The following XPO4 variants were observed in gnomAD, a reference collection of about 807,000 sequenced individuals.
The protein encoded by XPO4 is exportin-4.
Under a neutral mutation model 143.0 loss-of-function variants are expected in XPO4, and 39 were observed. That is an observed-to-expected ratio of 0.27 (90% CI 0.21 to 0.36). The LOEUF (loss-of-function observed/expected upper bound fraction) is 0.36, where lower values mean the gene tolerates loss of function less well. XPO4 is among the 10% of genes least tolerant of loss of function. XPO4 has a pLI of 1.00. For missense variants in XPO4, 907 were observed against 1,348.0 expected, an observed-to-expected ratio of 0.67 and a Z score of 5.12; for synonymous variants, 439 against 474.0, an observed-to-expected ratio of 0.93 and a Z score of 0.96.
chr13:20,892,244 G>C (rs1363667823), intron 1 of XPO4, among the ~76,000 whole-genome samples: 2 of 151,968 alleles, frequency 1.3e-5, no homozygotes, highest in African/African-American at 4.8e-5. Flanking sequence ...GCACCACCAT[G>C]CCTGGCTAAT....
intron 3 of XPO4, among the ~76,000 whole-genome samples, chr13:20,856,578 C>T (rs1443186813): frequency 2.6e-4 from 39 of 152,218 alleles, no homozygotes; most frequent in Non-Finnish European, 5.9e-5. Context: ...CTTAACATGG[C>T]TTATAAGCAG....
intron 1 of XPO4, among the ~76,000 whole-genome samples, chr13:20,873,651 G>C (rs1416648969): frequency 6.6e-5 from 10 of 151,996 alleles, no homozygotes; most frequent in Admixed American, 2.0e-4. Flanking sequence ...TTCTTTTTTT[G>C]AGACAGAGTC....
chr13:20,880,720 G>C (rs1458551960), intron 1 of XPO4, among the ~76,000 whole-genome samples: 1 of 152,108 alleles, frequency 6.6e-6, no homozygotes, highest in Non-Finnish European at 1.5e-5. Flanking sequence ...ACTTTGGGAG[G>C]CTGAGGTGGG....
In XPO4 at chr13:20,803,303, A is replaced by G. The variant is rs2059460195; in HGVS notation, c.1818-2313T>C. On this transcript the variant is annotated intron_variant, in intron 13 of 22. Coordinates refer to ENST00000255305, the MANE Select transcript of XPO4 (RefSeq NM_022459.5). The surrounding 1 kb of genome is among the most constrained non-coding windows in gnomAD (Gnocchi z 4.1). ...GACTCAGTCACTTAGTCAGTGCCAC[A>G]CTGTTTGCAACTGTCCCTCTCCTCT... Among the ~76,000 whole-genome samples, 1 of 152,182 alleles carries G rather than the reference A, an allele frequency of 6.6e-6. No individual in the cohort carries two copies.
chr13:20,783,932 T>G lies in XPO4; in HGVS notation c.3259-13A>C, dbSNP rs375299769. On this transcript the variant is annotated splice_polypyrimidine_tract_variant and intron_variant, in intron 22 of 22. Transcript: ENST00000255305. ...CAGAATATTCAGCCTATTGAAGAGATAAAGTATACACAAGTATCCTCCTTA... is the reference window on the plus strand; with the variant it reads ...CAGAATATTCAGCCTATTGAAGAGAGAAAGTATACACAAGTATCCTCCTTA... The G allele has an allele frequency of 6.2e-7, 1 of 1,612,560 alleles. No homozygotes were observed. Among genetic ancestry groups the G allele is most frequent in the Non-Finnish European group, 8.5e-7 (1 of 1,178,594 alleles).
At chr13:20,793,302 GT>G (rs1193688635) in intron 18 of XPO4, among the ~76,000 whole-genome samples, 8 of 151,980 alleles carry the variant, frequency 5.3e-5, no homozygotes, top group Admixed American at 6.6e-5. Flanking sequence ...CTACATACTC[GT>G]TTTATTCTTT....
In XPO4 at chr13:20,783,892, A is replaced by G; in HGVS notation, c.3286T>C (p.Leu1096=). The part of the protein sequence containing the change: ...QAEYSELVET[L]LSSQQDPVIY... ...ACTGGGTCTTGCTGACTTGATAGTA[A>G]TGTTTCGACCAGTTCAGAATATTCA... Residue 1096 remains leucine, a synonymous_variant, in exon 23 of 23, where the codon TTA becomes CTA. Transcript: ENST00000255305. 6.2e-7 allele frequency: 1 copy of G among 1,614,190 alleles called. No homozygotes were observed. The highest frequency in any genetic ancestry group is 8.5e-7 in the Non-Finnish European group (1 of 1,180,032).
chr13:20,812,159 T>C (rs941715019), intron 9 of XPO4, among the ~76,000 whole-genome samples: 1 of 151,944 alleles, frequency 6.6e-6, no homozygotes, highest in Admixed American at 6.6e-5. Flanking sequence ...TCACCTGAGG[T>C]CAGGGGTTCA....
chr13:20,853,160 A>C, intron 4 of XPO4: 37 of 466,874 alleles, frequency 7.9e-5, no homozygotes, highest in Non-Finnish European at 9.8e-5. Context: ...GTGAAACCTC[A>C]TCGCTACAAA....
rs114416243 is a variant in XPO4 at position 20,833,006 on chromosome 13, C to A, written c.728-5827G>T. On this transcript the variant is annotated intron_variant, in intron 6 of 22. Transcript: ENST00000255305. Reference sequence around the variant, plus strand: ...GTAACCAAACTAAAAAAAGAAGTATCACTGAAGCCAACATACCACACATAC... The same window carrying A: ...GTAACCAAACTAAAAAAAGAAGTATAACTGAAGCCAACATACCACACATAC... Among the ~76,000 whole-genome samples, 1,164 of 152,130 alleles carry A rather than the reference C, an allele frequency of 7.7e-3. 15 individuals are homozygous for A. The highest frequency in any genetic ancestry group is 0.026 in the African/African-American group (1,064 of 41,504).
chr13:20,868,843 TTATAG>T (rs1335786302), intron 1 of XPO4, 142 bp from the exon 2 acceptor site: 2 of 702,098 alleles, frequency 2.8e-6, no homozygotes, highest in East Asian at 3.0e-5. Context: ...TTTTAAGGAA[TTATAG>T]TATAAAACTT....
At chr13:20,821,672 C>T in intron 9 of XPO4, 32 bp downstream of exon 9, 1 of 1,572,470 alleles carries the variant, frequency 6.4e-7, no homozygotes, top group South Asian at 1.2e-5. Context: ...CTTGTGAAAA[C>T]TGACACAATT....
chr13:20,838,289 C>G (rs530148915), intron 6 of XPO4, among the ~76,000 whole-genome samples: 3 of 151,718 alleles, frequency 2.0e-5, no homozygotes, highest in Admixed American at 6.6e-5. Flanking sequence ...TTTACAGTCA[C>G]AATTAATACA....
intron 7 of XPO4, among the ~76,000 whole-genome samples, chr13:20,824,423 C>T (rs1389639377): frequency 6.6e-6 from 1 of 151,764 alleles, no homozygotes; most frequent in East Asian, 1.9e-4. Context: ...ATTATGGTCT[C>T]GAAGCGAGCA....
rs368202551 is a variant in XPO4, at chr13:20,868,559, T to C, written c.175+37A>G. The C allele has an allele frequency of 4.8e-5, 77 of 1,599,760 alleles. 1 individual carries two copies. The Middle Eastern group carries it at 7.3e-4, about 15-fold the overall frequency. On this transcript the variant is annotated intron_variant, in intron 2 of 22. Coordinates refer to ENST00000255305, the MANE Select transcript of XPO4 (RefSeq NM_022459.5). Reference sequence around the variant, plus strand: ...AAGACAGCAAACCCAGATCTGATTATGCCAAAATATTTTATATTTTTTAAG... The same window carrying C: ...AAGACAGCAAACCCAGATCTGATTACGCCAAAATATTTTATATTTTTTAAG...
intron 1 of XPO4, among the ~76,000 whole-genome samples, chr13:20,872,296 C>T (rs1205073018): frequency 2.6e-5 from 4 of 152,206 alleles, no homozygotes; most frequent in African/African-American, 9.7e-5. Flanking sequence ...TCACCTTTCC[C>T]CAGTTGTCCA....
Position 20,796,880 on chromosome 13 carries a change from A to T in XPO4, c.2500T>A (p.Phe834Ile), listed in dbSNP as rs2059365062. 7 of 1,614,168 alleles carry T rather than the reference A, an allele frequency of 4.3e-6. No homozygotes were observed. In the East Asian group the frequency reaches 1.3e-4, roughly 31 times the overall value. ...VAILFNFLMD[F>I]LTNCIGLMEV... ...ATCAATCCAATGCAATTGGTAAGGA[A>T]GTCCATTAAAAAATTAAACAGGATT... is the stretch of plus-strand genomic sequence containing the variant. Residue 834 changes from phenylalanine to isoleucine, a missense_variant, in exon 17 of 23, where the codon TTC becomes ATC. Coordinates refer to ENST00000255305, the MANE Select transcript of XPO4 (RefSeq NM_022459.5).
rs2059163977 is a variant in XPO4 at position 20,783,454 on chromosome 13, T to C, written c.*268A>G. The C allele has an allele frequency of 4.1e-6, 2 of 487,982 alleles. No homozygotes were observed. Among genetic ancestry groups the C allele is most frequent in the Non-Finnish European group, 7.4e-6 (2 of 271,312 alleles). The allele number at this position is 487,982 out of a possible 1,614,324, so 30.2% of individuals were successfully genotyped here. Reference sequence around the variant, plus strand: ...CGTGGTGCCCATATCTGTTTGCACATATATGGAATTTCATTTTGAAAATTT... The same window carrying C: ...CGTGGTGCCCATATCTGTTTGCACACATATGGAATTTCATTTTGAAAATTT... On this transcript the variant is annotated 3_prime_UTR_variant, in exon 23 of 23. Transcript: ENST00000255305.
intron 1 of XPO4, among the ~76,000 whole-genome samples, chr13:20,893,232 A>C (rs915812938): frequency 1.3e-5 from 2 of 152,206 alleles, no homozygotes; most frequent in African/African-American, 4.8e-5. Context: ...CACAACACTT[A>C]ATGGCACTTT....
Sources: gnomAD v4.1 joint callset for allele counts (sites outside exome capture counted in the v4.1 genomes callset) on GRCh38, gnomAD v4.1.1 for gene constraint, Gnocchi (gnomAD v3.1) non-coding constraint, MANE v1.5 for transcripts, NCBI Gene and HGNC (gene_info 2026-07-23, HGNC 2026-07-21) for gene names.